ARMC9: variants seen among roughly 807,000 people sequenced by gnomAD.
ARMC9 encodes lisH domain-containing protein ARMC9.
In ARMC9, 94 loss-of-function variants were observed where a neutral mutation model predicts 107.0. That is an observed-to-expected ratio of 0.88 (90% CI 0.74 to 1.04). The LOEUF (loss-of-function observed/expected upper bound fraction) is 1.04. Among genes scored for constraint, ARMC9 ranks in the 50% least tolerant of loss-of-function variants. The pLI is 0.00. For synonymous variants in ARMC9, 380 were observed against 396.9 expected, an observed-to-expected ratio of 0.96 and a Z score of 0.51; for missense variants, 942 against 1,030.1, an observed-to-expected ratio of 0.91 and a Z score of 1.17.
At chr2:231,371,395 TG>T in intron 24 of ARMC9, 117 bp from the exon 25 acceptor site, 1 of 1,201,728 alleles carries the variant, frequency 8.3e-7, no homozygotes, top group Non-Finnish European at 1.1e-6. Context: ...ACAGGTGACC[TG>T]GGAGAGGGAA....
chr2:231,368,366 A>C (rs2045894706), intron 23 of ARMC9, among the ~76,000 whole-genome samples: 1 of 152,194 alleles, frequency 6.6e-6, no homozygotes, highest in African/African-American at 2.4e-5. Context: ...AATTCTCAGC[A>C]CGCGTGAGCT....
At chr2:231,295,977 T>C (rs1487292579) in intron 18 of ARMC9, 4 of 385,062 alleles carry the variant, frequency 1.0e-5, no homozygotes, top group Non-Finnish European at 1.8e-5. Context: ...GCTACTATAA[T>C]CATGTTCTGG....
chr2:231,313,434 G>C (rs998852202), intron 19 of ARMC9, among the ~76,000 whole-genome samples: 1 of 152,136 alleles, frequency 6.6e-6, no homozygotes, highest in African/African-American at 2.4e-5. Flanking sequence ...GCCTTTGATT[G>C]GAGTATTTAT....
intron 19 of ARMC9, among the ~76,000 whole-genome samples, chr2:231,325,526 C>T (rs1044723134): frequency 3.9e-5 from 6 of 152,102 alleles, no homozygotes; most frequent in Non-Finnish European, 8.8e-5. Flanking sequence ...ATTCCAATGC[C>T]CATTTCCAGC....
In ARMC9 at chr2:231,238,868, G is replaced by T. The variant is rs193051036; in HGVS notation, c.781-1075G>T. ...TGAAGCAGACCAGAAGTTTGTAGCA[G>T]ATAGGCAGGAGGCCCAGGAGGAGAG... On this transcript the variant is annotated intron_variant, in intron 8 of 24. Transcript: ENST00000611582. Among the ~76,000 whole-genome samples the T allele has an allele frequency of 2.2e-3, 330 of 152,336 alleles. 1 individual carries two copies. The highest frequency in any genetic ancestry group is 3.8e-3 in the Non-Finnish European group (260 of 68,036).
chr2:231,302,035 G>A (rs2041764847), intron 19 of ARMC9, among the ~76,000 whole-genome samples: 1 of 151,946 alleles, frequency 6.6e-6, no homozygotes, highest in Admixed American at 6.6e-5. Flanking sequence ...TCCTGTCCTG[G>A]TTAAGGTCTT....
At chr2:231,368,636 A>T (rs893919608) in intron 23 of ARMC9, among the ~76,000 whole-genome samples, 2 of 152,062 alleles carry the variant, frequency 1.3e-5, no homozygotes, top group Non-Finnish European at 2.9e-5. Context: ...CAAAAATTTT[A>T]TTTTTTGAGA....
At chr2:231,276,578 C>A (rs960833376) in intron 14 of ARMC9, 58 bp from the exon 15 acceptor site, 25 of 1,608,818 alleles carry the variant, frequency 1.6e-5, no homozygotes, top group Non-Finnish European at 2.1e-5. Flanking sequence ...CCTACTGTTT[C>A]CTCTTATATG....
chr2:231,247,300 G>A (rs1015754516), intron 9 of ARMC9, among the ~76,000 whole-genome samples: 1 of 152,136 alleles, frequency 6.6e-6, no homozygotes, highest in Non-Finnish European at 1.5e-5. Context: ...TTGTGATAGA[G>A]ACTATAGCAT....
chr2:231,253,980 G>A (rs2037528683), intron 9 of ARMC9, among the ~76,000 whole-genome samples: 1 of 152,092 alleles, frequency 6.6e-6, no homozygotes, highest in African/African-American at 2.4e-5. Flanking sequence ...AAAAAGATAG[G>A]GAGGAAGCAA....
intron 12 of ARMC9, among the ~76,000 whole-genome samples, chr2:231,265,781 G>C (rs1269337076): frequency 6.6e-6 from 1 of 151,958 alleles, no homozygotes; most frequent in East Asian, 1.9e-4. Flanking sequence ...CCTGAGGTGG[G>C]CAGATCACTT....
At chr2:231,325,130 A>G (rs929775229) in intron 19 of ARMC9, among the ~76,000 whole-genome samples, 13 of 152,300 alleles carry the variant, frequency 8.5e-5, no homozygotes, top group African/African-American at 3.1e-4. Flanking sequence ...AGGCTGAGGT[A>G]GGAGGATCAC....
chr2:231,251,075 G>A (rs1475753954), intron 9 of ARMC9, among the ~76,000 whole-genome samples: 1 of 152,210 alleles, frequency 6.6e-6, no homozygotes, highest in African/African-American at 2.4e-5. Context: ...GGATTGGAGA[G>A]AAGGTAGCAG....
Position 231,282,067 on chromosome 2 carries a change from G to C in ARMC9, c.1560G>C (p.Pro520=), listed in dbSNP as rs34385474. The part of the protein sequence containing the change: ...LLGHENHEIQ[P]YVNGALYSIL... The stretch of plus-strand genomic sequence containing the variant: ...TTTTCCTCCCCTTAAAGATACAGCC[G>C]TATGTGAATGGAGCTCTGTACAGCA... Residue 520 remains proline, a synonymous_variant, in exon 17 of 25, where the codon CCG becomes CCC. Transcript: ENST00000611582. The C allele has an allele frequency of 1.9e-6, 3 of 1,613,880 alleles. No individual in the cohort carries two copies. The African/African-American group carries it at 4.0e-5, about 22-fold the overall frequency.
At chr2:231,247,539 T>A (rs989168454) in intron 9 of ARMC9, among the ~76,000 whole-genome samples, 9 of 152,290 alleles carry the variant, frequency 5.9e-5, no homozygotes, top group East Asian at 5.8e-4. Context: ...CAATGCCCTG[T>A]GTATTGAGGA....
chr2:231,282,681 AAC>A (rs1181645212), intron 17 of ARMC9, among the ~76,000 whole-genome samples: 1 of 152,234 alleles, frequency 6.6e-6, no homozygotes, highest in Non-Finnish European at 1.5e-5. Flanking sequence ...CCACCTTCAA[AAC>A]ACAGGCAAAA....
At chr2:231,278,119 A>G (rs142555322) in intron 15 of ARMC9, among the ~76,000 whole-genome samples, 113 of 152,274 alleles carry the variant, frequency 7.4e-4, no homozygotes, top group African/African-American at 2.6e-3. Flanking sequence ...CCGAGGTTCT[A>G]TGCTACACTG....
rs554159291 is a variant in ARMC9 at position 231,322,406 on chromosome 2, A to G, written c.1774-9387A>G. 7.9e-5 allele frequency among the ~76,000 whole-genome samples: 12 copies of G among 152,376 alleles called. No homozygotes were observed. In the South Asian group the frequency reaches 1.2e-3, roughly 16 times the overall value. On this transcript the variant is annotated intron_variant, in intron 19 of 24. Coordinates refer to ENST00000611582, the MANE Select transcript of ARMC9 (RefSeq NM_001352754.2). ...AAGGTGTCTCAAATTTAAACTACTT[A>G]TAGAAGTCTTATAATTATTTCAAGT...
chr2:231,314,141 G>T (rs866876558), intron 19 of ARMC9, among the ~76,000 whole-genome samples: 4 of 150,512 alleles, frequency 2.7e-5, no homozygotes, highest in Non-Finnish European at 5.9e-5. Flanking sequence ...GTGTGATGGC[G>T]CAATCTCAGC....
Sources: allele counts gnomAD v4.1 joint callset (sites outside exome capture counted in the v4.1 genomes callset), GRCh38; gene constraint gnomAD v4.1.1; transcripts MANE v1.5; gene names NCBI Gene and HGNC (gene_info 2026-07-23, HGNC 2026-07-21).